The following AGPAT4 variants were observed in gnomAD, a reference collection of about 807,000 sequenced individuals.
AGPAT4 encodes 1-acyl-sn-glycerol-3-phosphate acyltransferase delta.
A neutral mutation model predicts 48.0 loss-of-function variants in AGPAT4; 15 were observed. That is an observed-to-expected ratio of 0.31 (90% CI 0.21 to 0.48). AGPAT4 has a LOEUF of 0.48. AGPAT4 is among the 20% of genes least tolerant of loss of function. The pLI is 0.99. For synonymous variants in AGPAT4, 178 were observed against 198.7 expected, an observed-to-expected ratio of 0.90 and a Z score of 0.88; for missense variants, 314 against 482.5, an observed-to-expected ratio of 0.65 and a Z score of 3.27.
chr6:161,156,524 T>C (rs1583287614), intron 3 of AGPAT4, among the ~76,000 whole-genome samples: 1 of 152,194 alleles, frequency 6.6e-6, no homozygotes, highest in Non-Finnish European at 1.5e-5. Context: ...TAGGCAATGG[T>C]TTACTGTATA....
chr6:161,224,228 AG>A (rs1781908533), intron 2 of AGPAT4, among the ~76,000 whole-genome samples: 1 of 152,364 alleles, frequency 6.6e-6, no homozygotes, highest in African/African-American at 2.4e-5. Context: ...AGGAGAAAAC[AG>A]AACAAGGTCC....
rs1176927236 is a variant in AGPAT4 at position 161,225,397 on chromosome 6, T to C, written c.178+6639A>G. ...CTCTTGTCCAAGTGTGCACTCACCATTGCTCCATCTGTAAGGGTGCACCCT... is the reference window on the plus strand; with the variant it reads ...CTCTTGTCCAAGTGTGCACTCACCACTGCTCCATCTGTAAGGGTGCACCCT... On this transcript the variant is annotated intron_variant, in intron 2 of 8. Transcript: ENST00000320285. This position sits in a 1 kb window ranked among gnomAD's most constrained non-coding sequence, Gnocchi z 5.0. Among the ~76,000 whole-genome samples, 1 of 152,218 alleles carries C rather than the reference T, an allele frequency of 6.6e-6. No individual in the cohort carries two copies. The highest frequency in any genetic ancestry group is 1.5e-5 in the Non-Finnish European group (1 of 68,038).
chr6:161,210,205 A>G (rs1781486900), intron 2 of AGPAT4, among the ~76,000 whole-genome samples: 1 of 152,154 alleles, frequency 6.6e-6, no homozygotes, highest in Non-Finnish European at 1.5e-5. Flanking sequence ...GATTTCTATG[A>G]TTTTACATTT....
intron 2 of AGPAT4, among the ~76,000 whole-genome samples, chr6:161,172,975 A>G (rs949540872): frequency 1.3e-5 from 2 of 152,212 alleles, no homozygotes; most frequent in African/African-American, 4.8e-5. Flanking sequence ...ACATGAACTC[A>G]TCCTTTTTTA....
At chr6:161,263,505 C>T (rs1331780305) in intron 1 of AGPAT4, among the ~76,000 whole-genome samples, 1 of 152,008 alleles carries the variant, frequency 6.6e-6, no homozygotes, top group Admixed American at 6.6e-5. Flanking sequence ...CAAAAACAAA[C>T]AAGAAAAAGA....
intron 1 of AGPAT4, among the ~76,000 whole-genome samples, chr6:161,237,412 CAGA>C (rs957365647): frequency 1.6e-4 from 24 of 152,226 alleles, no homozygotes; most frequent in African/African-American, 5.8e-4. Context: ...TACTGAATAC[CAGA>C]AGAAGTCTCC....
Position 161,148,398 on chromosome 6 carries a change from G to A in AGPAT4, c.767+789C>T, listed in dbSNP as rs1329898083. 2.0e-5 allele frequency among the ~76,000 whole-genome samples: 3 copies of A among 152,202 alleles called. No individual in the cohort carries two copies. The highest frequency in any genetic ancestry group is 4.8e-5 in the African/African-American group (2 of 41,448). On this transcript the variant is annotated intron_variant, in intron 6 of 8. Transcript: ENST00000320285. The surrounding 1 kb of genome is among the most constrained non-coding windows in gnomAD (Gnocchi z 5.5). Reference sequence around the variant, plus strand: ...TCTCCCAGGAAAGCCTGGACGTTTGGTGTGGCCTGGTGGGAATGTAGGGCC... The same window carrying A: ...TCTCCCAGGAAAGCCTGGACGTTTGATGTGGCCTGGTGGGAATGTAGGGCC...
Position 161,154,665 on chromosome 6 carries a change from G to T in AGPAT4, c.349-355C>A, listed in dbSNP as rs986976724. ...TCTAGGTTATCACCGTCACATACTC[G>T]CTAAGCCCACCGTGCAGCTGTGTGA... On this transcript the variant is annotated intron_variant, in intron 3 of 8. Coordinates refer to ENST00000320285, the MANE Select transcript of AGPAT4 (RefSeq NM_020133.3). This position sits in a 1 kb window ranked among gnomAD's most constrained non-coding sequence, Gnocchi z 7.8. Among the ~76,000 whole-genome samples the T allele has an allele frequency of 6.6e-6, 1 of 152,122 alleles. No homozygotes were observed. Among genetic ancestry groups the T allele is most frequent in the Non-Finnish European group, 1.5e-5 (1 of 68,020 alleles).
At chr6:161,248,295 C>T (rs776917374) in intron 1 of AGPAT4, among the ~76,000 whole-genome samples, 1 of 152,104 alleles carries the variant, frequency 6.6e-6, no homozygotes, top group African/African-American at 2.4e-5. Flanking sequence ...AAAATACTGG[C>T]TGGGCGCGGT....
At position 161,240,435 on chromosome 6, in the gene AGPAT4, C is replaced by T. The variant is rs1460166075; in HGVS notation, c.-89-8133G>A. Among the ~76,000 whole-genome samples, 2 of 152,170 alleles carry T rather than the reference C, an allele frequency of 1.3e-5. No individual in the cohort carries two copies. The highest frequency in any genetic ancestry group is 1.5e-5 in the Non-Finnish European group (1 of 68,024). On this transcript the variant is annotated intron_variant, in intron 1 of 8. Transcript: ENST00000320285. This position sits in a 1 kb window ranked among gnomAD's most constrained non-coding sequence, Gnocchi z 5.5. ...TTTCCTCTATGCCACTGCACTCTTC[C>T]TGAACAGTGATTAAGCGATCCAGCT...
intron 2 of AGPAT4, among the ~76,000 whole-genome samples, chr6:161,210,869 A>G (rs1001673087): frequency 6.6e-6 from 1 of 152,248 alleles, no homozygotes; most frequent in Non-Finnish European, 1.5e-5. Flanking sequence ...ATATTGGTTA[A>G]ATAAAAATAG....
rs1000273598 is a variant in AGPAT4, at chr6:161,189,153, A to G, written c.179-22736T>C. Among the ~76,000 whole-genome samples the G allele has an allele frequency of 1.3e-5, 2 of 152,188 alleles. No individual in the cohort carries two copies. The highest frequency in any genetic ancestry group is 2.9e-5 in the Non-Finnish European group (2 of 68,030). On this transcript the variant is annotated intron_variant, in intron 2 of 8. Coordinates refer to ENST00000320285, the MANE Select transcript of AGPAT4 (RefSeq NM_020133.3). The surrounding 1 kb of genome is among the most constrained non-coding windows in gnomAD (Gnocchi z 5.3). Reference sequence around the variant, plus strand: ...CAGGTGAGCTTTATCTAATCAAGCTATGAGGCTGGTGAGTGGGCATGCAAC... The same window carrying G: ...CAGGTGAGCTTTATCTAATCAAGCTGTGAGGCTGGTGAGTGGGCATGCAAC...
Position 161,217,531 on chromosome 6 carries a change from T to A in AGPAT4, c.178+14505A>T, listed in dbSNP as rs1273965666. Among the ~76,000 whole-genome samples the A allele has an allele frequency of 6.6e-6, 1 of 152,218 alleles. No homozygotes were observed. Among genetic ancestry groups the A allele is most frequent in the Non-Finnish European group, 1.5e-5 (1 of 68,044 alleles). ...CCATCAGGTGCATGGTAATCCAGTA[T>A]GAAGGCATTGGCGTTATGCCTGCAT... is the stretch of plus-strand genomic sequence containing the variant. On this transcript the variant is annotated intron_variant, in intron 2 of 8. Coordinates refer to ENST00000320285, the MANE Select transcript of AGPAT4 (RefSeq NM_020133.3). This position sits in a 1 kb window ranked among gnomAD's most constrained non-coding sequence, Gnocchi z 4.9.
rs1307456658 is a variant in AGPAT4 at position 161,226,031 on chromosome 6, T to A, written c.178+6005A>T. Among the ~76,000 whole-genome samples, 2 of 152,184 alleles carry A rather than the reference T, an allele frequency of 1.3e-5. No individual in the cohort carries two copies. The highest frequency in any genetic ancestry group is 2.9e-5 in the Non-Finnish European group (2 of 68,032). Reference sequence around the variant, plus strand: ...TAGGATCATGTCCACCTACAGCCGGTTACTGAACCCTCTTCTGGGAAGGCG... The same window carrying A: ...TAGGATCATGTCCACCTACAGCCGGATACTGAACCCTCTTCTGGGAAGGCG... On this transcript the variant is annotated intron_variant, in intron 2 of 8. Transcript: ENST00000320285. The surrounding 1 kb of genome is among the most constrained non-coding windows in gnomAD (Gnocchi z 6.3).
At chr6:161,163,947 C>G (rs1780014897) in intron 3 of AGPAT4, among the ~76,000 whole-genome samples, 1 of 152,174 alleles carries the variant, frequency 6.6e-6, no homozygotes, top group Non-Finnish European at 1.5e-5. Flanking sequence ...AGGGCGCAGA[C>G]CCCCTTACAC....
In AGPAT4 at chr6:161,272,995, T is replaced by C. The variant is rs772093693; in HGVS notation, c.-90+943A>G. On this transcript the variant is annotated intron_variant, in intron 1 of 8. Transcript: ENST00000320285. This position sits in a 1 kb window ranked among gnomAD's most constrained non-coding sequence, Gnocchi z 4.2. ...AAGTGCAGATGAGAGCAAAGACCCA[T>C]CTTTTAAATATTTAAGCTTTTAGGC... is the stretch of plus-strand genomic sequence containing the variant. 6.6e-6 allele frequency among the ~76,000 whole-genome samples: 1 copy of C among 152,166 alleles called. No individual in the cohort carries two copies. The highest frequency in any genetic ancestry group is 1.5e-5 in the Non-Finnish European group (1 of 68,024).
chr6:161,193,133 C>T lies in AGPAT4; in HGVS notation c.179-26716G>A, dbSNP rs191389791. 4.0e-4 allele frequency among the ~76,000 whole-genome samples: 61 copies of T among 152,312 alleles called. 1 individual carries two copies. In the South Asian group the frequency reaches 6.4e-3, roughly 16 times the overall value. On this transcript the variant is annotated intron_variant, in intron 2 of 8. Transcript: ENST00000320285. ...TACTGTCTCTTTCTTCCCTCCATCCCCATCTTCTGGAAGGACATACTTAAT... is the reference window on the plus strand; with the variant it reads ...TACTGTCTCTTTCTTCCCTCCATCCTCATCTTCTGGAAGGACATACTTAAT...
chr6:161,153,606 C>T (rs1779657449), intron 4 of AGPAT4, 107 bp from the exon 5 acceptor site: 2 of 1,326,922 alleles, frequency 1.5e-6, no homozygotes, highest in Non-Finnish European at 2.1e-6. Context: ...CATATGGCCA[C>T]ACGATCACAC....
rs559583929 is a variant in AGPAT4, at chr6:161,261,879, C to T, written c.-90+12059G>A. Among the ~76,000 whole-genome samples, 101 of 152,232 alleles carry T rather than the reference C, an allele frequency of 6.6e-4. No individual in the cohort carries two copies. The highest frequency in any genetic ancestry group is 1.1e-3 in the Non-Finnish European group (78 of 68,024). ...AGTGAACAGGCATTGACCTTCACAC[C>T]TGGGTAGGGGCTCCTGGGCCAGAGA... On this transcript the variant is annotated intron_variant, in intron 1 of 8. Coordinates refer to ENST00000320285, the MANE Select transcript of AGPAT4 (RefSeq NM_020133.3). The surrounding 1 kb of genome is among the most constrained non-coding windows in gnomAD (Gnocchi z 5.3).
Sources: allele counts gnomAD v4.1 joint callset (sites outside exome capture counted in the v4.1 genomes callset), GRCh38; gene constraint gnomAD v4.1.1; non-coding constraint Gnocchi (gnomAD v3.1); transcripts MANE v1.5; gene names NCBI Gene and HGNC (gene_info 2026-07-23, HGNC 2026-07-21).